Variants in YEATS2 observed in about 807,000 individuals in gnomAD.
YEATS2 encodes the protein YEATS domain-containing protein 2.
YEATS2 carries 77 observed loss-of-function variants against 163.2 expected under a neutral mutation model. The observed-to-expected ratio is 0.47, with a 90% CI of 0.39 to 0.57. The LOEUF is 0.57. Among genes scored for constraint, YEATS2 ranks in the 20% least tolerant of loss-of-function variants. YEATS2 has a pLI of 0.00. For missense variants in YEATS2, 1,549 were observed against 1,729.8 expected (o/e 0.90, Z 1.85); for synonymous variants, 631 against 645.1 (o/e 0.98, Z 0.33).
Position 183,724,713 on chromosome 3 carries a change from A to G in YEATS2, c.650+182A>G, listed in dbSNP as rs59600323. ...GGGTAATTTTGCTCCTTAGTGAGCA[A>G]AGTCAGAATTTGAATCTAGGTCTCC... On this transcript the variant is annotated intron_variant, in intron 6 of 30. Transcript: ENST00000305135. Among the ~76,000 whole-genome samples, 1,371 of 152,288 alleles carry G rather than the reference A, an allele frequency of 9.0e-3. 20 individuals are homozygous for G. The highest frequency in any genetic ancestry group is 0.032 in the African/African-American group (1,317 of 41,560).
intron 8 of YEATS2, among the ~76,000 whole-genome samples, chr3:183,738,069 C>A (rs1257066546): frequency 3.3e-5 from 5 of 152,034 alleles, no homozygotes; most frequent in Admixed American, 2.0e-4. Context: ...TGGGGCACGA[C>A]AAACCATGCT....
chr3:183,787,532 AT>A (rs1724178818), intron 20 of YEATS2, among the ~76,000 whole-genome samples: 1 of 151,988 alleles, frequency 6.6e-6, no homozygotes, highest in Admixed American at 6.6e-5. Flanking sequence ...TCCTTTGCCC[AT>A]TTTTTAGTTG....
chr3:183,803,277 C>T lies in YEATS2; in HGVS notation c.3524C>T (p.Ser1175Phe), dbSNP rs1015632551. Residue 1175 changes from serine to phenylalanine, a missense_variant, in exon 26 of 31, where the codon TCT (serine) becomes TTT (phenylalanine). Coordinates refer to ENST00000305135, the MANE Select transcript of YEATS2 (RefSeq NM_018023.5). ...CTAGGTGAAGATGCCAGCTGCTTTT[C>T]TGCAAAGTCTGTGGAGCAGTACTAT... ...TAKSEDASCF[S>F]AKSVEQYYGW... is the part of the protein sequence containing the mutation. 32 of 1,611,780 alleles carry T rather than the reference C, an allele frequency of 2.0e-5. No individual in the cohort carries two copies. The Admixed American group carries it at 3.2e-4, about 16-fold the overall frequency.
intron 10 of YEATS2, among the ~76,000 whole-genome samples, chr3:183,752,887 T>C (rs1023181806): frequency 2.0e-5 from 3 of 151,618 alleles, no homozygotes; most frequent in Admixed American, 2.0e-4. Context: ...AACCTCCACC[T>C]CCTGGGTTCA....
chr3:183,764,527 G>A (rs897606286), intron 15 of YEATS2, among the ~76,000 whole-genome samples: 6 of 152,068 alleles, frequency 3.9e-5, no homozygotes, highest in African/African-American at 1.4e-4. Context: ...AAAATTCATA[G>A]AGCTTGTCGC....
chr3:183,744,716 T>C (rs1719344644), intron 8 of YEATS2, among the ~76,000 whole-genome samples: 1 of 152,204 alleles, frequency 6.6e-6, no homozygotes, highest in African/African-American at 2.4e-5. Context: ...GTAGTATTTT[T>C]CCTGTCATTT....
At chr3:183,700,131 A>T (rs1288751866) in intron 1 of YEATS2, among the ~76,000 whole-genome samples, 1 of 151,960 alleles carries the variant, frequency 6.6e-6, no homozygotes, top group African/African-American at 2.4e-5. Context: ...TTATTTCCTA[A>T]TTGATTGTCA....
chr3:183,762,322 GT>G, intron 15 of YEATS2, 43 bp downstream of exon 15: 6 of 495,404 alleles, frequency 1.2e-5, no homozygotes, highest in Non-Finnish European at 1.7e-5. Context: ...TGTAAATGAT[GT>G]TGTTTGCCTA....
At chr3:183,807,308 A>C (rs1726317616) in intron 28 of YEATS2, 1 of 542,066 alleles carries the variant, frequency 1.8e-6, no homozygotes, top group South Asian at 2.2e-5. Context: ...GCCCTTGGGC[A>C]GAAATGCTAA....
intron 21 of YEATS2, among the ~76,000 whole-genome samples, chr3:183,796,181 AG>A (rs1725137385): frequency 1.7e-5 from 2 of 115,740 alleles, no homozygotes; most frequent in African/African-American, 7.9e-5. Flanking sequence ...TATTTTTAGT[AG>A]AGACAGGGTT....
In YEATS2 at chr3:183,806,374, T is replaced by G. The variant is rs1159958476; in HGVS notation, c.3785-492T>G. 3 of 456,504 alleles carry G rather than the reference T, an allele frequency of 6.6e-6. No homozygotes were observed. In the East Asian group the frequency reaches 2.1e-4, roughly 32 times the overall value. 28.3% of individuals were successfully genotyped at this position (456,504 alleles called of 1,614,324 possible). A position where few individuals can be genotyped will look rare whatever the true frequency, so the allele number is the denominator to read the frequency against. On this transcript the variant is annotated intron_variant, in intron 27 of 30. Transcript: ENST00000305135. ...TGGAAGGGCACTAGTGCCCTAGATC[T>G]GGCCTTGAGGTCCTCACACTCCTGA...
At chr3:183,747,887 C>G in intron 9 of YEATS2, among the ~76,000 whole-genome samples, 171 bp downstream of exon 9, 1 of 151,930 alleles carries the variant, frequency 6.6e-6, no homozygotes, top group East Asian at 1.9e-4. Flanking sequence ...TCAAGTGATT[C>G]TCCTACCTCA....
intron 7 of YEATS2, among the ~76,000 whole-genome samples, chr3:183,734,751 T>A (rs969791912): frequency 6.6e-6 from 1 of 152,192 alleles, no homozygotes; most frequent in East Asian, 1.9e-4. Flanking sequence ...AAAGAATGAT[T>A]GGCCATATGA....
Position 183,762,191 on chromosome 3 carries a change from G to A in YEATS2, c.1859G>A (p.Gly620Glu), listed in dbSNP as rs756947038. The A allele has an allele frequency of 1.9e-6, 3 of 1,613,988 alleles. No homozygotes were observed. The African/African-American group carries it at 4.0e-5, about 22-fold the overall frequency. Residue 620 changes from glycine to glutamate, a missense_variant, in exon 15 of 31, where the codon GGG becomes GAG. Coordinates refer to ENST00000305135, the MANE Select transcript of YEATS2 (RefSeq NM_018023.5). ...CTCCCGCAGTATGTGACTGTGAAAGGGGGTCACATGATAGCTGTGTCCCCT... is the reference window on the plus strand; with the variant it reads ...CTCCCGCAGTATGTGACTGTGAAAGAGGGTCACATGATAGCTGTGTCCCCT... ...SPLPQYVTVK[G>E]GHMIAVSPQK...
At chr3:183,709,040 A>G (rs1044299010) in intron 1 of YEATS2, among the ~76,000 whole-genome samples, 15 of 151,998 alleles carry the variant, frequency 9.9e-5, no homozygotes, top group Non-Finnish European at 2.1e-4. Flanking sequence ...CACACCAGTA[A>G]TCCCAGCTAC....
chr3:183,760,917 C>A (rs916231909), intron 13 of YEATS2, among the ~76,000 whole-genome samples: 2 of 152,028 alleles, frequency 1.3e-5, no homozygotes, highest in African/African-American at 4.8e-5. Context: ...CGGGGAAGAC[C>A]AATAAAGTCA....
At chr3:183,747,033 G>A (rs1184614316) in intron 8 of YEATS2, among the ~76,000 whole-genome samples, 1 of 151,246 alleles carries the variant, frequency 6.6e-6, no homozygotes, top group Non-Finnish European at 1.5e-5. Flanking sequence ...ACCTTTTTCT[G>A]TGTAATTGTA....
Position 183,736,764 on chromosome 3 carries a change from G to T in YEATS2, c.859G>T (p.Val287Phe). 2 of 1,613,890 alleles carry T rather than the reference G, an allele frequency of 1.2e-6. No homozygotes were observed. Among genetic ancestry groups the T allele is most frequent in the Non-Finnish European group, 1.7e-6 (2 of 1,179,918 alleles). Residue 287 changes from valine (V) to phenylalanine (F), a missense_variant, in exon 8 of 31, where the codon GTC becomes TTC. Val to Phe is a conservative substitution (Grantham distance 50). Transcript: ENST00000305135. ...LTRRGWGEFP[V>F]RVQVHFKDSQ... ...CAGAAGAGGCTGGGGTGAGTTTCCCGTCAGAGTTCAAGTTCATTTTAAGGA... is the reference window on the plus strand; with the variant it reads ...CAGAAGAGGCTGGGGTGAGTTTCCCTTCAGAGTTCAAGTTCATTTTAAGGA...
chr3:183,728,792 CAAG>C lies in YEATS2; in HGVS notation c.757_759del (p.Lys253del). ...GAGAACCCAGCATTAATCATTTTGTCAAGAAGGTTTGGTTCTTCCTTCATCCTA... is the reference window on the plus strand; with the variant it reads ...GAGAACCCAGCATTAATCATTTTGTCAAGGTTTGGTTCTTCCTTCATCCTA... On this transcript the variant is annotated inframe_deletion, in exon 7 of 31. Transcript: ENST00000305135. The C allele has an allele frequency of 6.2e-7, 1 of 1,614,072 alleles. No individual in the cohort carries two copies. Among genetic ancestry groups the C allele is most frequent in the Non-Finnish European group, 8.5e-7 (1 of 1,179,990 alleles).
Sources: gnomAD v4.1 joint callset for allele counts (sites outside exome capture counted in the v4.1 genomes callset) on GRCh38, gnomAD v4.1.1 for gene constraint, MANE v1.5 for transcripts, NCBI Gene and HGNC (gene_info 2026-07-23, HGNC 2026-07-21) for gene names.